MGAT4C: variants seen among roughly 807,000 people sequenced by gnomAD.
The protein encoded by MGAT4C is MGAT4 family member C, also known as alpha-1,3-mannosyl-glycoprotein 4-beta-N-acetylglucosaminyltransferase C.
A neutral mutation model predicts 40.1 loss-of-function variants in MGAT4C; 19 were observed. That is an observed-to-expected ratio of 0.47 (90% CI 0.33 to 0.70). MGAT4C has a LOEUF of 0.70. Ranked by LOEUF, MGAT4C falls within the 30% of genes least tolerant of loss-of-function variation. The pLI is 0.02. For synonymous variants in MGAT4C, 181 were observed against 187.1 expected, an observed-to-expected ratio of 0.97 and a Z score of 0.27; for missense variants, 491 against 563.2, an observed-to-expected ratio of 0.87 and a Z score of 1.30.
intron 2 of MGAT4C, among the ~76,000 whole-genome samples, chr12:86,566,735 G>T (rs1960143081): frequency 9.6e-6 from 1 of 104,022 alleles, no homozygotes; most frequent in Admixed American, 1.3e-4. Flanking sequence ...ACATACATAT[G>T]TATACAATGT....
chr12:86,392,937 C>A (rs902311922), intron 3 of MGAT4C, among the ~76,000 whole-genome samples: 1 of 152,040 alleles, frequency 6.6e-6, no homozygotes, highest in South Asian at 2.1e-4. Flanking sequence ...GTTTACAGTT[C>A]CACTGTTATT....
intron 2 of MGAT4C, among the ~76,000 whole-genome samples, chr12:86,639,521 G>A (rs932019462): frequency 6.6e-6 from 1 of 151,564 alleles, no homozygotes; most frequent in Non-Finnish European, 1.5e-5. Flanking sequence ...GAATACAAAT[G>A]GAGGCAGCCA....
intron 1 of MGAT4C, among the ~76,000 whole-genome samples, chr12:86,798,959 G>A (rs1472974033): frequency 6.6e-6 from 1 of 151,772 alleles, no homozygotes; most frequent in Non-Finnish European, 1.5e-5. Context: ...CTAAACTGGG[G>A]CCACTTTATA....
At chr12:86,645,877 C>T (rs1384802375) in intron 2 of MGAT4C, among the ~76,000 whole-genome samples, 1 of 151,630 alleles carries the variant, frequency 6.6e-6, no homozygotes, top group African/African-American at 2.4e-5. Flanking sequence ...TTAACATGCT[C>T]CTTGGCACTA....
At chr12:86,712,910 C>G (rs944132004) in intron 2 of MGAT4C, among the ~76,000 whole-genome samples, 1 of 152,088 alleles carries the variant, frequency 6.6e-6, no homozygotes, top group Non-Finnish European at 1.5e-5. Flanking sequence ...CATCCTTCCC[C>G]TATAAGACGA....
chr12:86,799,545 C>T (rs1952188531), intron 1 of MGAT4C, among the ~76,000 whole-genome samples: 1 of 151,706 alleles, frequency 6.6e-6, no homozygotes, highest in Admixed American at 6.6e-5. Context: ...TTATGATGCA[C>T]AAATAGCTTT....
chr12:86,815,345 G>A (rs1228997868), intron 1 of MGAT4C, among the ~76,000 whole-genome samples: 2 of 151,878 alleles, frequency 1.3e-5, no homozygotes, highest in African/African-American at 2.4e-5. Context: ...ACAAAAAACA[G>A]TAGACAGTGG....
intron 2 of MGAT4C, among the ~76,000 whole-genome samples, chr12:86,683,575 GA>G (rs200119329): frequency 6.7e-6 from 1 of 149,652 alleles, no homozygotes; most frequent in African/African-American, 2.5e-5. Context: ...TCACTACTAT[GA>G]AAAAAAAACC....
Position 86,482,067 on chromosome 12 carries a change from T to TACACACACACAC in MGAT4C, c.-228-46814_-228-46803dup, listed in dbSNP as rs10526768. Among the ~76,000 whole-genome samples the TACACACACACAC allele has an allele frequency of 4.4e-3, 627 of 143,182 alleles. 1 individual carries two copies. The highest frequency in any genetic ancestry group is 0.011 in the African/African-American group (425 of 38,714). 93.9% of individuals were successfully genotyped at this position (143,182 alleles called of 152,430 possible). A position where few individuals can be genotyped will look rare whatever the true frequency, so the allele number is the denominator to read the frequency against. On this transcript the variant is annotated intron_variant, in intron 2 of 7. Transcript: ENST00000548651. ...TATTTGTATTTTCTAAACATGTCACTACACACACACACACACACACACACA... is the reference window on the plus strand; with the variant it reads ...TATTTGTATTTTCTAAACATGTCACTACACACACACACACACACACACACACACACACACACA...
chr12:86,695,564 A>G (rs1258003438), intron 2 of MGAT4C, among the ~76,000 whole-genome samples: 2 of 152,242 alleles, frequency 1.3e-5, no homozygotes, highest in Non-Finnish European at 2.9e-5. Flanking sequence ...TGGTGCATGT[A>G]CGCAATGGAG....
At chr12:86,596,113 T>C (rs1961527820) in intron 2 of MGAT4C, among the ~76,000 whole-genome samples, 2 of 152,194 alleles carry the variant, frequency 1.3e-5, no homozygotes, top group South Asian at 4.1e-4. Context: ...CTTTAAGTTC[T>C]AGGGTACATG....
At chr12:86,749,014 A>G (rs1951195631) in intron 1 of MGAT4C, among the ~76,000 whole-genome samples, 1 of 150,160 alleles carries the variant, frequency 6.7e-6, no homozygotes, top group Non-Finnish European at 1.5e-5. Flanking sequence ...CTTTTTGTCT[A>G]CCCACTCATT....
Position 86,758,791 on chromosome 12 carries a change from G to GTAAA in MGAT4C, c.-261-31554_-261-31551dup, listed in dbSNP as rs376273400. On this transcript the variant is annotated intron_variant, in intron 1 of 7. Coordinates refer to the MGAT4C transcript ENST00000548651. Reference sequence around the variant, plus strand: ...AAACTTCCACAAACACAAATATGGAGTAAAACATGCTGTTTTGATACACGG... The same window carrying GTAAA: ...AAACTTCCACAAACACAAATATGGAGTAAATAAAACATGCTGTTTTGATACACGG... 7.9e-5 allele frequency among the ~76,000 whole-genome samples: 12 copies of GTAAA among 152,160 alleles called. No homozygotes were observed. The East Asian group carries it at 1.2e-3, about 15-fold the overall frequency.
At chr12:86,531,924 A>G (rs1037837831) in intron 2 of MGAT4C, among the ~76,000 whole-genome samples, 5 of 151,962 alleles carry the variant, frequency 3.3e-5, no homozygotes, top group South Asian at 2.1e-4. Context: ...AACTTAAACA[A>G]CTGGCTTTAC....
intron 2 of MGAT4C, among the ~76,000 whole-genome samples, chr12:86,443,094 C>G (rs982831523): frequency 6.6e-6 from 1 of 152,086 alleles, no homozygotes; most frequent in Admixed American, 6.5e-5. Flanking sequence ...TTTTATGGGA[C>G]TTGCATTACT....
chr12:86,215,197 C>A (rs1423700218), intron 1 of MGAT4C, among the ~76,000 whole-genome samples: 2 of 151,994 alleles, frequency 1.3e-5, no homozygotes, highest in African/African-American at 4.8e-5. Context: ...TATGGAGCCA[C>A]CTCATCATCT....
intron 1 of MGAT4C, among the ~76,000 whole-genome samples, chr12:86,184,365 G>A (rs761956169): frequency 4.0e-5 from 6 of 148,368 alleles, no homozygotes; most frequent in Non-Finnish European, 8.9e-5. Flanking sequence ...GACTAAGTGA[G>A]ACTCCGTTTA....
intron 1 of MGAT4C, among the ~76,000 whole-genome samples, chr12:86,153,517 C>T (rs1480398701): frequency 6.6e-6 from 1 of 152,136 alleles, no homozygotes; most frequent in African/African-American, 2.4e-5. Context: ...TATGGTTTGG[C>T]TGTGTGTTCC....
chr12:86,433,318 A>C (rs1957076387), intron 3 of MGAT4C, among the ~76,000 whole-genome samples: 1 of 147,006 alleles, frequency 6.8e-6, no homozygotes, highest in African/African-American at 2.5e-5. Context: ...GTGTGCATAC[A>C]TACACACATT....
Sources: allele counts gnomAD v4.1 joint callset (sites outside exome capture counted in the v4.1 genomes callset), GRCh38; gene constraint gnomAD v4.1.1; transcripts MANE v1.5; gene names NCBI Gene and HGNC (gene_info 2026-07-23, HGNC 2026-07-21).